Variants in TRAF3IP2 observed in about 807,000 individuals in gnomAD.
TRAF3IP2 encodes TRAF3 interacting protein 2.
A neutral mutation model predicts 57.9 loss-of-function variants in TRAF3IP2; 35 were observed. The observed-to-expected ratio is 0.60, with a 90% CI of 0.46 to 0.80. TRAF3IP2 has a LOEUF of 0.80. TRAF3IP2 is among the 30% of genes least tolerant of loss of function. The probability of loss-of-function intolerance (pLI) is 0.00; values close to 1 mark genes in which losing one functional copy is unlikely to be tolerated. For missense variants in TRAF3IP2, 556 were observed against 706.4 expected (o/e 0.79, Z 2.41); for synonymous variants, 251 against 268.9 (o/e 0.93, Z 0.65).
At position 111,557,424 on chromosome 6, in the gene TRAF3IP2, G is replaced by GTTTTTTTTTTTTTTTTTTTTT. The variant is rs397888583; in HGVS notation, c.*1960_*1980dup. ...TTATCAACCTGAGGGTATTGTTGAA[G>GTTTTTTTTTTTTTTTTTTTTT]TTTTTTTTTTTTTTTTTTTTTTTGA... On this transcript the variant is annotated 3_prime_UTR_variant, in exon 9 of 9. Transcript: ENST00000368761. The GTTTTTTTTTTTTTTTTTTTTT allele has an allele frequency of 1.0e-5, 1 of 97,386 alleles. No individual in the cohort carries two copies. The highest frequency in any genetic ancestry group is 1.9e-5 in the Non-Finnish European group (1 of 53,056). The allele number at this position is 97,386 out of a possible 1,614,324, so 6.0% of individuals were successfully genotyped here. A position where few individuals can be genotyped will look rare whatever the true frequency, so the allele number is the denominator to read the frequency against.
chr6:111,593,413 C>T (rs1444039270), intron 1 of TRAF3IP2, among the ~76,000 whole-genome samples: 1 of 152,208 alleles, frequency 6.6e-6, no homozygotes. Context: ...GCACCTTGTA[C>T]CCAATCCAAT....
In TRAF3IP2 at chr6:111,571,461, C is replaced by A. The variant is rs190006191; in HGVS notation, c.1290+1434G>T. Among the ~76,000 whole-genome samples the A allele has an allele frequency of 3.7e-3, 563 of 152,216 alleles. 5 individuals are homozygous for A. The highest frequency in any genetic ancestry group is 0.012 in the African/African-American group (492 of 41,538). On this transcript the variant is annotated intron_variant, in intron 5 of 8. Coordinates refer to ENST00000368761, the MANE Select transcript of TRAF3IP2 (RefSeq NM_147686.4). ...TCCTGAGCTCAGGCAATTTGTCTGC[C>A]TTGGCCTCCCAAAGTGCTAGGATTA...
chr6:111,596,517 A>C (rs183516114), intron 1 of TRAF3IP2, among the ~76,000 whole-genome samples: 8,766 of 152,178 alleles, frequency 0.058, 452 homozygotes, highest in African/African-American at 0.14. Flanking sequence ...GCAGTGGCAC[A>C]ATCTCGGCTC....
chr6:111,585,290 G>GT (rs1304873674), intron 2 of TRAF3IP2, among the ~76,000 whole-genome samples: 1 of 149,000 alleles, frequency 6.7e-6, no homozygotes, highest in Non-Finnish European at 1.5e-5. Context: ...GACAGGTTCT[G>GT]TTTCCAAATT....
intron 8 of TRAF3IP2, 25 bp from the exon 9 acceptor site, chr6:111,559,576 C>G (rs1327895145): frequency 1.2e-6 from 2 of 1,610,832 alleles, no homozygotes; most frequent in Non-Finnish European, 1.7e-6. Flanking sequence ...ATGACAGGAG[C>G]AAAGGTCATT....
chr6:111,602,539 A>G (rs1796907630), intron 1 of TRAF3IP2, among the ~76,000 whole-genome samples: 1 of 151,952 alleles, frequency 6.6e-6, no homozygotes, highest in Admixed American at 6.6e-5. Flanking sequence ...ATTTTTTTGT[A>G]TTTGCCTTTT....
intron 2 of TRAF3IP2, among the ~76,000 whole-genome samples, chr6:111,588,084 T>G (rs1285851359): frequency 6.6e-6 from 1 of 152,226 alleles, no homozygotes; most frequent in Non-Finnish European, 1.5e-5. Context: ...TCTCTCTAAC[T>G]CCACTAACAC....
At chr6:111,593,785 A>C (rs1385597272) in intron 1 of TRAF3IP2, among the ~76,000 whole-genome samples, 2 of 152,152 alleles carry the variant, frequency 1.3e-5, no homozygotes, top group African/African-American at 2.4e-5. Context: ...ATAAAAATGA[A>C]CAAGAGCCTA....
At chr6:111,575,845 C>T (rs1181253651) in intron 3 of TRAF3IP2, 24 bp from the exon 4 acceptor site, 1 of 1,601,284 alleles carries the variant, frequency 6.2e-7, no homozygotes, top group East Asian at 2.2e-5. Flanking sequence ...CATTTACAGT[C>T]AATTTTCATT....
At chr6:111,583,325 T>TCTCCTAGACCAGGGGCC (rs1796221430) in intron 2 of TRAF3IP2, among the ~76,000 whole-genome samples, 1 of 152,022 alleles carries the variant, frequency 6.6e-6, no homozygotes, top group Non-Finnish European at 1.5e-5. Flanking sequence ...GACCAGGGGC[T>TCTCCTAGACCAGGGGCC]CCCAACTCCC....
chr6:111,559,400 C>T lies in TRAF3IP2; in HGVS notation c.*5G>A, dbSNP rs763055593. 74 of 1,612,244 alleles carry T rather than the reference C, an allele frequency of 4.6e-5. No individual in the cohort carries two copies. Among genetic ancestry groups the T allele is most frequent in the Middle Eastern group, 1.8e-4 (1 of 5,508 alleles). On this transcript the variant is annotated 3_prime_UTR_variant, in exon 9 of 9. Coordinates refer to ENST00000368761, the MANE Select transcript of TRAF3IP2 (RefSeq NM_147686.4). ...CTGGCCTCAGTGATCTGGGGATGAA[C>T]GGTGTCACAAGGGAACCACCTGAAG...
chr6:111,599,529 CTCT>C (rs966963848), intron 1 of TRAF3IP2, among the ~76,000 whole-genome samples: 11 of 152,212 alleles, frequency 7.2e-5, no homozygotes, highest in Admixed American at 7.2e-4. Context: ...TTCACCCTCT[CTCT>C]TTTTTAATTT....
chr6:111,565,254 A>G (rs1795595191), intron 7 of TRAF3IP2: 1 of 152,084 alleles, frequency 6.6e-6, no homozygotes, highest in South Asian at 2.1e-4. Flanking sequence ...CACAGGACAG[A>G]CCTGGGACCT....
At chr6:111,582,390 G>A (rs1796195091) in intron 2 of TRAF3IP2, among the ~76,000 whole-genome samples, 1 of 152,124 alleles carries the variant, frequency 6.6e-6, no homozygotes, top group Non-Finnish European at 1.5e-5. Flanking sequence ...TTAAAGAGGG[G>A]GAGGAGGAGA....
At position 111,575,829 on chromosome 6, in the gene TRAF3IP2, G is replaced by A; in HGVS notation, c.1023-8C>T. The stretch of plus-strand genomic sequence containing the variant: ...TGGTGATGTGGCTGGTCCCTAGAAA[G>A]GAATACATTTACAGTCAATTTTCAT... On this transcript the variant is annotated splice_region_variant and splice_polypyrimidine_tract_variant and intron_variant, in intron 3 of 8. Coordinates refer to ENST00000368761, the MANE Select transcript of TRAF3IP2 (RefSeq NM_147686.4). The A allele has an allele frequency of 6.2e-7, 1 of 1,607,048 alleles. No homozygotes were observed. The highest frequency in any genetic ancestry group is 8.5e-7 in the Non-Finnish European group (1 of 1,177,852).
intron 5 of TRAF3IP2, among the ~76,000 whole-genome samples, chr6:111,569,843 G>A (rs1264210279): frequency 6.6e-6 from 1 of 152,142 alleles, no homozygotes; most frequent in Admixed American, 6.5e-5. Flanking sequence ...GGACATCCTG[G>A]GTGGTGCAAT....
intron 1 of TRAF3IP2, chr6:111,594,569 C>T (rs1197713686): frequency 4.6e-6 from 2 of 434,104 alleles, no homozygotes; most frequent in Non-Finnish European, 9.1e-6. Flanking sequence ...GGGCAGTCAT[C>T]TCACATAAAC....
chr6:111,600,119 T>C (rs1450819894), intron 1 of TRAF3IP2: 2 of 152,196 alleles, frequency 1.3e-5, no homozygotes, highest in Admixed American at 6.5e-5. Context: ...AAATAAAGTG[T>C]TGAATGTAGA....
intron 7 of TRAF3IP2, among the ~76,000 whole-genome samples, chr6:111,563,786 G>A (rs1441056302): frequency 9.9e-5 from 15 of 152,214 alleles, no homozygotes; most frequent in Admixed American, 9.2e-4. Flanking sequence ...GCTTGGCAGA[G>A]AGGGGATGTC....
Sources: allele counts gnomAD v4.1 joint callset (sites outside exome capture counted in the v4.1 genomes callset), GRCh38; gene constraint gnomAD v4.1.1; transcripts MANE v1.5; gene names NCBI Gene and HGNC (gene_info 2026-07-23, HGNC 2026-07-21).